Variants in MDGA2 observed in about 807,000 individuals in gnomAD.
The protein encoded by MDGA2 is MAM domain-containing glycosylphosphatidylinositol anchor protein 2.
In MDGA2, 40 loss-of-function variants were observed where a neutral mutation model predicts 117.8. The ratio of observed to expected loss-of-function variants is 0.34; its 90% CI spans 0.26 to 0.44. The LOEUF (loss-of-function observed/expected upper bound fraction) is 0.44. Among genes scored for constraint, MDGA2 ranks in the 20% least tolerant of loss-of-function variants. MDGA2 has a pLI of 1.00. For missense variants in MDGA2, 1,123 were observed against 1,250.6 expected (o/e 0.90, Z 1.54); for synonymous variants, 452 against 439.0 (o/e 1.03, Z -0.37).
intron 3 of MDGA2, among the ~76,000 whole-genome samples, chr14:47,157,330 T>A (rs556541832): frequency 6.6e-6 from 1 of 152,340 alleles, no homozygotes; most frequent in African/African-American, 2.4e-5. Flanking sequence ...GAAATTTTGC[T>A]TTTACTCATT....
chr14:47,393,640 T>C (rs1242767470), intron 1 of MDGA2, among the ~76,000 whole-genome samples: 1 of 152,126 alleles, frequency 6.6e-6, no homozygotes, highest in Non-Finnish European at 1.5e-5. Flanking sequence ...TTTCATATTC[T>C]ATTCATTTAG....
rs1024275585 is a variant in MDGA2, at chr14:47,675,516, C to G, written c.-720G>C. ...GCTCTCCAAAATAGCCTTTAGCGCC[C>G]GGCCAGCGTAGAGGTGCTCTGGCCG... On this transcript the variant is annotated 5_prime_UTR_variant, in exon 1 of 17. Transcript: ENST00000399232. Among the ~76,000 whole-genome samples, 2 of 152,100 alleles carry G rather than the reference C, an allele frequency of 1.3e-5. No homozygotes were observed. Among genetic ancestry groups the G allele is most frequent in the East Asian group, 1.9e-4 (1 of 5,132 alleles).
intron 8 of MDGA2, among the ~76,000 whole-genome samples, chr14:47,022,394 T>C (rs1416419712): frequency 1.3e-5 from 2 of 152,156 alleles, no homozygotes; most frequent in Admixed American, 1.3e-4. Context: ...AAATAAACAT[T>C]GAAAATGAAA....
Position 46,882,186 on chromosome 14 carries a change from T to A in MDGA2, c.2274A>T (p.Lys758Asn). Reference sequence around the variant, plus strand: ...CTCCCTTTTGAATATTCCCATTTATTTTAATCTCCTGCTCCCACCAGCGCT... The same window carrying A: ...CTCCCTTTTGAATATTCCCATTTATATTAATCTCCTGCTCCCACCAGCGCT... ...GQQRWWEQEI[K>N]INGNIQKGEL... The change falls in exon 11 of 17, where the codon AAA (lysine) becomes AAT (asparagine). Residue 758 changes from lysine (K) to asparagine (N), a missense_variant. By Grantham distance (94) the Lys-to-Asn change is moderately conservative (BLOSUM62 0). This residue lies in a region of MDGA2 where 890 missense variants were observed against 1,050.3 expected (regional missense o/e 0.85). Coordinates refer to ENST00000399232, the MANE Select transcript of MDGA2 (RefSeq NM_001113498.3). The A allele has an allele frequency of 6.2e-7, 1 of 1,612,516 alleles. No homozygotes were observed. Among genetic ancestry groups the A allele is most frequent in the African/African-American group, 1.3e-5 (1 of 74,974 alleles).
At chr14:47,208,052 T>A (rs541621331) in intron 3 of MDGA2, among the ~76,000 whole-genome samples, 2 of 151,962 alleles carry the variant, frequency 1.3e-5, no homozygotes, top group Non-Finnish European at 2.9e-5. Context: ...CCTTCAATTG[T>A]CAAAGGGAAA....
chr14:47,341,017 C>G (rs112130394), intron 1 of MDGA2, among the ~76,000 whole-genome samples: 27 of 152,054 alleles, frequency 1.8e-4, no homozygotes, highest in African/African-American at 6.5e-4. Context: ...TATTTAATTT[C>G]CTATAATTTC....
intron 1 of MDGA2, among the ~76,000 whole-genome samples, chr14:47,549,019 G>C (rs1346442181): frequency 6.6e-6 from 1 of 152,116 alleles, no homozygotes; most frequent in African/African-American, 2.4e-5. Context: ...CATAGAACTT[G>C]TGAATGGGGC....
chr14:47,590,256 C>A (rs1015326880), intron 1 of MDGA2, among the ~76,000 whole-genome samples: 3 of 151,846 alleles, frequency 2.0e-5, no homozygotes, highest in Non-Finnish European at 4.4e-5. Context: ...GGAGCAGATA[C>A]CACTTTTTAT....
At chr14:47,139,713 G>C (rs549179872) in intron 4 of MDGA2, among the ~76,000 whole-genome samples, 35 of 149,614 alleles carry the variant, frequency 2.3e-4, no homozygotes, top group African/African-American at 8.6e-4. Flanking sequence ...AGTAGTTCAA[G>C]AAATCAATAA....
intron 1 of MDGA2, among the ~76,000 whole-genome samples, chr14:47,494,133 T>C (rs1015280492): frequency 2.0e-5 from 3 of 152,218 alleles, no homozygotes; most frequent in African/African-American, 4.8e-5. Context: ...CCTTTCACCA[T>C]GATTGTAAGT....
chr14:47,145,195 T>A (rs1416578232), intron 3 of MDGA2, among the ~76,000 whole-genome samples: 1 of 152,120 alleles, frequency 6.6e-6, no homozygotes, highest in African/African-American at 2.4e-5. Context: ...TTTGCATGTA[T>A]CCTAAAGAAA....
chr14:47,411,151 G>A (rs1407159440), intron 1 of MDGA2, among the ~76,000 whole-genome samples: 1 of 151,986 alleles, frequency 6.6e-6, no homozygotes, highest in Non-Finnish European at 1.5e-5. Flanking sequence ...ATGATTTGTA[G>A]GTTGCAAAAA....
intron 8 of MDGA2, among the ~76,000 whole-genome samples, chr14:46,988,742 A>G (rs1351202283): frequency 2.6e-5 from 4 of 152,098 alleles, no homozygotes; most frequent in Non-Finnish European, 5.9e-5. Context: ...ATCTCTTCTC[A>G]GGTAGAATTG....
intron 1 of MDGA2, among the ~76,000 whole-genome samples, chr14:47,649,329 T>C (rs1897594088): frequency 6.6e-6 from 1 of 152,224 alleles, no homozygotes; most frequent in African/African-American, 2.4e-5. Context: ...TACCCATTAA[T>C]TCTGTGGCTC....
intron 3 of MDGA2, among the ~76,000 whole-genome samples, chr14:47,167,749 T>C (rs940487635): frequency 6.6e-6 from 1 of 152,160 alleles, no homozygotes; most frequent in Non-Finnish European, 1.5e-5. Context: ...CAATTTCTTA[T>C]TTGACAAGTG....
chr14:47,368,105 C>T (rs1891269599), intron 1 of MDGA2, among the ~76,000 whole-genome samples: 1 of 151,324 alleles, frequency 6.6e-6, no homozygotes, highest in African/African-American at 2.4e-5. Context: ...CATGGTGAAA[C>T]CCCGTCTGTA....
intron 1 of MDGA2, among the ~76,000 whole-genome samples, chr14:47,523,912 T>C (rs1265965976): frequency 1.3e-5 from 2 of 152,208 alleles, no homozygotes; most frequent in Admixed American, 6.5e-5. Context: ...AGCGTCACAG[T>C]TGAAACATTT....
At chr14:47,342,278 AT>A (rs58161851) in intron 1 of MDGA2, among the ~76,000 whole-genome samples, 22,702 of 137,368 alleles carry the variant, frequency 0.17, 2,046 homozygotes, top group South Asian at 0.32. Context: ...ATATATATAT[AT>A]ATAAAATATG....
chr14:47,556,994 A>G (rs1028087551), intron 1 of MDGA2, among the ~76,000 whole-genome samples: 1 of 152,216 alleles, frequency 6.6e-6, no homozygotes, highest in African/African-American at 2.4e-5. Context: ...ACATGTATCC[A>G]GTGAATGCCA....
Sources: allele counts gnomAD v4.1 joint callset (sites outside exome capture counted in the v4.1 genomes callset), GRCh38; gene constraint gnomAD v4.1.1; regional missense constraint gnomAD v4.1.1; transcripts MANE v1.5; gene names NCBI Gene and HGNC (gene_info 2026-07-23, HGNC 2026-07-21).